The following VAV2 variants were observed in gnomAD, a reference collection of about 807,000 sequenced individuals.
VAV2 encodes guanine nucleotide exchange factor VAV2.
Under a neutral mutation model 132.5 loss-of-function variants are expected in VAV2, and 67 were observed. The observed-to-expected ratio is 0.51, with a 90% confidence interval of 0.42 to 0.62. The LOEUF is 0.62. VAV2 is among the 20% of genes least tolerant of loss of function. The pLI is 0.00. For missense variants in VAV2, 938 were observed against 1,153.6 expected, an observed-to-expected ratio of 0.81 and a Z score of 2.71; for synonymous variants, 492 against 443.5, an observed-to-expected ratio of 1.11 and a Z score of -1.37.
intron 4 of VAV2, among the ~76,000 whole-genome samples, chr9:133,817,823 C>T (rs2131721644): frequency 6.6e-6 from 1 of 152,242 alleles, no homozygotes; most frequent in South Asian, 2.1e-4. Context: ...TCCGCTCATT[C>T]ATTTGTCGTA....
chr9:133,917,193 C>G (rs1840123375), intron 2 of VAV2, among the ~76,000 whole-genome samples: 1 of 152,258 alleles, frequency 6.6e-6, no homozygotes, highest in African/African-American at 2.4e-5. Context: ...CCTGAGGGGC[C>G]CTATCCCCGT....
At chr9:133,882,519 C>T (rs1041973158) in intron 2 of VAV2, among the ~76,000 whole-genome samples, 1 of 152,014 alleles carries the variant, frequency 6.6e-6, no homozygotes, top group South Asian at 2.1e-4. Context: ...CCACTGTGAC[C>T]AGGGCCCTCA....
intron 4 of VAV2, among the ~76,000 whole-genome samples, chr9:133,830,259 G>A (rs367621469): frequency 1.6e-3 from 251 of 152,178 alleles, no homozygotes; most frequent in Non-Finnish European, 2.7e-3. Flanking sequence ...GAACAGGTGC[G>A]TTCTGCTCCA....
intron 15 of VAV2, among the ~76,000 whole-genome samples, chr9:133,787,890 G>C (rs1367715841): frequency 1.3e-5 from 2 of 151,900 alleles, no homozygotes; most frequent in African/African-American, 4.8e-5. Context: ...GCTACATGTA[G>C]AGTCTCGGAC....
At chr9:133,852,748 C>T (rs1289960778) in intron 3 of VAV2, among the ~76,000 whole-genome samples, 1 of 152,200 alleles carries the variant, frequency 6.6e-6, no homozygotes, top group Non-Finnish European at 1.5e-5. Context: ...TATTTCTGAA[C>T]AAATGTGTCT....
intron 1 of VAV2, among the ~76,000 whole-genome samples, chr9:133,946,718 AAAATGGGAAAAC>A (rs1402191656): frequency 2.6e-5 from 4 of 152,256 alleles, no homozygotes; most frequent in Non-Finnish European, 5.9e-5. Flanking sequence ...GATCAATAAA[AAAATGGGAAAAC>A]AAATTAATTT....
At position 133,770,367 on chromosome 9, in the gene VAV2, C is replaced by G. The variant is rs201253624; in HGVS notation, c.2347+11G>C. On this transcript the variant is annotated intron_variant, in intron 27 of 29. Transcript: ENST00000371850. ...AGGAGTGCTGGTGTGCCGGCTGGGCCGGGGCGTTACCTGGGGACCGGCTGG... is the reference window on the plus strand; with the variant it reads ...AGGAGTGCTGGTGTGCCGGCTGGGCGGGGGCGTTACCTGGGGACCGGCTGG... The G allele has an allele frequency of 1.9e-6, 3 of 1,613,662 alleles. No homozygotes were observed. The African/African-American group carries it at 4.0e-5, about 22-fold the overall frequency.
chr9:133,831,433 T>C (rs1350591362), intron 4 of VAV2, among the ~76,000 whole-genome samples: 1 of 144,186 alleles, frequency 6.9e-6, no homozygotes, highest in Non-Finnish European at 1.5e-5. Context: ...CAAAACTCCA[T>C]CTCAAAAAAA....
chr9:133,870,844 G>A (rs947241781), intron 2 of VAV2, among the ~76,000 whole-genome samples: 3 of 147,656 alleles, frequency 2.0e-5, no homozygotes, highest in Non-Finnish European at 4.5e-5. Flanking sequence ...TGGATGGGAT[G>A]GGCAGATGGA....
intron 1 of VAV2, among the ~76,000 whole-genome samples, chr9:133,940,677 G>A (rs1248909189): frequency 7.1e-4 from 40 of 56,012 alleles, no homozygotes; most frequent in African/African-American, 2.2e-3. Context: ...ACGTGCGTGT[G>A]TGTGTGTGTG....
At chr9:133,784,473 C>T (rs570403804) in intron 17 of VAV2, 55 bp from the exon 18 acceptor site, 60 of 1,590,646 alleles carry the variant, frequency 3.8e-5, no homozygotes, top group Non-Finnish European at 5.1e-5. Context: ...CCGAGCCCCA[C>T]CATGTGGCCA....
intron 3 of VAV2, among the ~76,000 whole-genome samples, chr9:133,836,540 T>C (rs1214968234): frequency 6.6e-6 from 1 of 152,182 alleles, no homozygotes; most frequent in East Asian, 1.9e-4. Context: ...ACCCCACTCA[T>C]CTCCTATAAA....
At chr9:133,964,022 C>CATATAT (rs10541639) in intron 1 of VAV2, among the ~76,000 whole-genome samples, 4,533 of 93,550 alleles carry the variant, frequency 0.048, 143 homozygotes, top group Non-Finnish European at 0.066. Flanking sequence ...ATTATTCATT[C>CATATAT]ATATATATAT....
intron 2 of VAV2, among the ~76,000 whole-genome samples, chr9:133,896,989 G>A (rs1839232571): frequency 6.6e-6 from 1 of 152,054 alleles, no homozygotes; most frequent in South Asian, 2.1e-4. Flanking sequence ...AGCTACTCGG[G>A]AGGCTGAGGC....
At chr9:133,786,264 G>GCA (rs772187650) in intron 16 of VAV2, among the ~76,000 whole-genome samples, 4 of 152,240 alleles carry the variant, frequency 2.6e-5, no homozygotes, top group Non-Finnish European at 4.4e-5. Context: ...GTGAGCATGT[G>GCA]CACACACACA....
intron 3 of VAV2, among the ~76,000 whole-genome samples, chr9:133,845,428 G>C (rs2510258): frequency 6.6e-6 from 1 of 152,182 alleles, no homozygotes. Flanking sequence ...ATGGGGGGCC[G>C]CACTGGGGGT....
chr9:133,967,789 C>T (rs1050480913), intron 1 of VAV2, among the ~76,000 whole-genome samples: 3 of 151,758 alleles, frequency 2.0e-5, no homozygotes, highest in Admixed American at 6.6e-5. Flanking sequence ...AAAAATTAGC[C>T]GGATGTGGTG....
At chr9:133,818,035 G>A (rs1434643569) in intron 4 of VAV2, among the ~76,000 whole-genome samples, 9 of 152,122 alleles carry the variant, frequency 5.9e-5, no homozygotes, top group Non-Finnish European at 8.8e-5. Flanking sequence ...GCGGACAGGT[G>A]TCATCCAATC....
At position 133,780,741 on chromosome 9, in the gene VAV2, G is replaced by A. The variant is rs1282146417; in HGVS notation, c.1724-31C>T. ...AAGGAAGCAGGTCAGGTGTTAGAGG[G>A]GAGGCCACCGACGCCAAGGCCCCGT... On this transcript the variant is annotated intron_variant, in intron 19 of 29. Transcript: ENST00000371850. 4 of 1,264,838 alleles carry A rather than the reference G, an allele frequency of 3.2e-6. No homozygotes were observed. In the African/African-American group the frequency reaches 4.6e-5, roughly 15 times the overall value. 78.4% of individuals were successfully genotyped at this position (1,264,838 alleles called of 1,614,324 possible).
Sources: allele counts gnomAD v4.1 joint callset (sites outside exome capture counted in the v4.1 genomes callset), GRCh38; gene constraint gnomAD v4.1.1; transcripts MANE v1.5; gene names NCBI Gene and HGNC (gene_info 2026-07-23, HGNC 2026-07-21).